Variants in GTF2F2 observed in about 807,000 individuals in gnomAD.
The protein encoded by GTF2F2 is general transcription factor IIF subunit 2, also known as ATP-dependent helicase GTF2F2.
Under a neutral mutation model 42.2 loss-of-function variants are expected in GTF2F2, and 23 were observed. That is an observed-to-expected ratio of 0.55 (90% confidence interval 0.39 to 0.77). GTF2F2 has a LOEUF of 0.77. Ranked by LOEUF, GTF2F2 falls within the 30% of genes least tolerant of loss-of-function variation. The pLI, the probability that GTF2F2 is intolerant of heterozygous loss-of-function variation, is 0.00. For missense variants in GTF2F2, 261 were observed against 287.2 expected (o/e 0.91, Z 0.66); for synonymous variants, 105 against 100.8 (o/e 1.04, Z -0.25).
chr13:45,264,271 T>C (rs1210865612), intron 6 of GTF2F2, among the ~76,000 whole-genome samples: 2 of 151,632 alleles, frequency 1.3e-5, no homozygotes, highest in Non-Finnish European at 2.9e-5. Flanking sequence ...TTTTATTTTT[T>C]ATTTTTATTT....
intron 5 of GTF2F2, among the ~76,000 whole-genome samples, chr13:45,230,220 TAA>T (rs554982229): frequency 7.1e-6 from 1 of 140,324 alleles, no homozygotes. Context: ...CATCTCAAAA[TAA>T]AAAAAAAAAA....
intron 5 of GTF2F2, among the ~76,000 whole-genome samples, chr13:45,246,253 C>T (rs1211890331): frequency 4.6e-5 from 7 of 151,898 alleles, no homozygotes; most frequent in African/African-American, 7.2e-5. Context: ...CCTCGTGATC[C>T]GCCCTCCTTG....
Position 45,120,608 on chromosome 13 carries a change from T to C in GTF2F2, c.-48T>C. ...GACGCCCGCTCCTCAGCCCTGCGGC[T>C]CCTGGGGTCGCTGCTGCATCCCGCA... is the stretch of plus-strand genomic sequence containing the variant. On this transcript the variant is annotated 5_prime_UTR_variant, in exon 1 of 8. Coordinates refer to ENST00000340473, the MANE Select transcript of GTF2F2 (RefSeq NM_004128.3). 4.9e-6 allele frequency: 7 copies of C among 1,441,862 alleles called. No homozygotes were observed. The highest frequency in any genetic ancestry group is 6.7e-6 in the Non-Finnish European group (7 of 1,048,182). The allele number at this position is 1,441,862 out of a possible 1,614,324, so 89.3% of individuals were successfully genotyped here. A position where few individuals can be genotyped will look rare whatever the true frequency, so the allele number is the denominator to read the frequency against.
chr13:45,146,538 G>C (rs1870202668), intron 2 of GTF2F2, among the ~76,000 whole-genome samples: 1 of 152,050 alleles, frequency 6.6e-6, no homozygotes, highest in Admixed American at 6.6e-5. Context: ...GCCAACAGTT[G>C]AATAATGATA....
chr13:45,184,157 T>G (rs1872299655), intron 4 of GTF2F2, among the ~76,000 whole-genome samples: 1 of 152,064 alleles, frequency 6.6e-6, no homozygotes, highest in African/African-American at 2.4e-5. Flanking sequence ...TTTTGGCTCA[T>G]TCACATACTT....
chr13:45,207,604 A>G (rs1024856501), intron 5 of GTF2F2, 99 bp downstream of exon 5: 2 of 722,022 alleles, frequency 2.8e-6, no homozygotes, highest in South Asian at 3.6e-5. Flanking sequence ...AACTGTGGTT[A>G]TTGTTGAGTG....
intron 5 of GTF2F2, among the ~76,000 whole-genome samples, chr13:45,226,514 A>C (rs1298680359): frequency 6.6e-6 from 1 of 152,132 alleles, no homozygotes; most frequent in Non-Finnish European, 1.5e-5. Flanking sequence ...GAGACATACT[A>C]TTTTGATTAT....
intron 5 of GTF2F2, among the ~76,000 whole-genome samples, chr13:45,246,663 T>G (rs1477906588): frequency 1.3e-5 from 2 of 152,226 alleles, no homozygotes; most frequent in African/African-American, 4.8e-5. Context: ...TCATTAATCT[T>G]AGGATTTAAA....
intron 4 of GTF2F2, among the ~76,000 whole-genome samples, chr13:45,169,675 A>G (rs535423931): frequency 3.6e-4 from 55 of 152,356 alleles, no homozygotes; most frequent in Non-Finnish European, 6.9e-4. Context: ...AGCACAAATC[A>G]TAAGTTTATA....
At chr13:45,146,564 G>A (rs903368672) in intron 2 of GTF2F2, among the ~76,000 whole-genome samples, 4 of 152,116 alleles carry the variant, frequency 2.6e-5, no homozygotes, top group Admixed American at 6.5e-5. Flanking sequence ...TTATTAACCT[G>A]GAAAAGGTGT....
chr13:45,251,977 T>C (rs17232044), intron 5 of GTF2F2, among the ~76,000 whole-genome samples: 77 of 152,352 alleles, frequency 5.1e-4, no homozygotes, highest in South Asian at 1.7e-3. Flanking sequence ...TGTGCTGATA[T>C]ACCAAGTGAA....
At chr13:45,174,426 C>CTCCT (rs1871759362) in intron 4 of GTF2F2, among the ~76,000 whole-genome samples, 1 of 152,054 alleles carries the variant, frequency 6.6e-6, no homozygotes, top group Non-Finnish European at 1.5e-5. Flanking sequence ...CCAGGTATCC[C>CTCCT]TCCTTGATCA....
chr13:45,123,856 C>T (rs1179619899), intron 1 of GTF2F2, among the ~76,000 whole-genome samples: 6 of 147,084 alleles, frequency 4.1e-5, no homozygotes, highest in African/African-American at 1.5e-4. Context: ...CAAGGCAGGG[C>T]TCCCTAGGCC....
At chr13:45,248,033 C>T (rs551449132) in intron 5 of GTF2F2, among the ~76,000 whole-genome samples, 95 of 152,032 alleles carry the variant, frequency 6.2e-4, no homozygotes, top group Middle Eastern at 3.4e-3. Flanking sequence ...TTAATAGAAA[C>T]GGGGTTTCAC....
intron 4 of GTF2F2, among the ~76,000 whole-genome samples, chr13:45,152,851 G>A (rs947263022): frequency 2.6e-5 from 4 of 152,112 alleles, no homozygotes; most frequent in African/African-American, 9.7e-5. Context: ...GGCCACCTTA[G>A]CTTAATGGAG....
At chr13:45,237,886 C>T (rs1387105828) in intron 5 of GTF2F2, among the ~76,000 whole-genome samples, 1 of 152,202 alleles carries the variant, frequency 6.6e-6, no homozygotes, top group Non-Finnish European at 1.5e-5. Flanking sequence ...TTCATCCCCA[C>T]TCCTGGGAAC....
chr13:45,193,679 C>T, intron 4 of GTF2F2: 5 of 966,390 alleles, frequency 5.2e-6, no homozygotes, highest in Non-Finnish European at 7.8e-6. Flanking sequence ...AGTAGCAGGG[C>T]TCTGTAGTAC....
intron 2 of GTF2F2, among the ~76,000 whole-genome samples, chr13:45,144,457 C>CTTTTTTTTTTTTTTTTTTTTTTTTTT (rs11326737): frequency 1.4e-5 from 1 of 74,040 alleles, no homozygotes; most frequent in Admixed American, 1.9e-4. Flanking sequence ...TTTTTTTGGT[C>CTTTTTTTTTTTTTTTTTTTTTTTTTT]TTTTTTTTTT....
intron 4 of GTF2F2, among the ~76,000 whole-genome samples, chr13:45,179,337 A>G (rs1018669338): frequency 1.3e-5 from 2 of 152,214 alleles, no homozygotes; most frequent in Non-Finnish European, 2.9e-5. Context: ...TTAGGTGATC[A>G]TTACAGTGAC....
Sources: gnomAD v4.1 joint callset for allele counts (sites outside exome capture counted in the v4.1 genomes callset) on GRCh38, gnomAD v4.1.1 for gene constraint, MANE v1.5 for transcripts, NCBI Gene and HGNC (gene_info 2026-07-23, HGNC 2026-07-21) for gene names.